Variants in GUCY1B1 observed in about 807,000 individuals in gnomAD.
GUCY1B1 encodes guanylate cyclase 1 soluble subunit beta 1, also known as guanylate cyclase soluble subunit beta-1.
GUCY1B1 carries 43 observed loss-of-function variants against 71.0 expected under a neutral mutation model. That is an observed-to-expected ratio of 0.61 (90% CI 0.47 to 0.78). The LOEUF (loss-of-function observed/expected upper bound fraction) is 0.78, where lower values mean the gene tolerates loss of function less well. GUCY1B1 is among the 30% of genes least tolerant of loss of function. The pLI is 0.00. For missense variants in GUCY1B1, 535 were observed against 754.1 expected, an observed-to-expected ratio of 0.71 and a Z score of 3.40; for synonymous variants, 266 against 259.7, an observed-to-expected ratio of 1.02 and a Z score of -0.23.
intron 5 of GUCY1B1, among the ~76,000 whole-genome samples, chr4:155,791,862 G>A (rs75979066): frequency 6.6e-6 from 1 of 151,502 alleles, no homozygotes; most frequent in East Asian, 1.9e-4. Flanking sequence ...TAACCAGACT[G>A]AGAAAGAGGT....
chr4:155,789,602 G>A (rs762946674), intron 4 of GUCY1B1, 112 bp from the exon 5 acceptor site: 15 of 607,572 alleles, frequency 2.5e-5, no homozygotes, highest in Non-Finnish European at 3.5e-5. Context: ...GTGCTGCTTC[G>A]CTGATCTGCC....
Position 155,802,619 on chromosome 4 carries a change from G to T in GUCY1B1, c.1413+40G>T, listed in dbSNP as rs1266858296. The T allele has an allele frequency of 2.6e-5, 39 of 1,499,462 alleles. No individual in the cohort carries two copies. Among genetic ancestry groups the T allele is most frequent in the Non-Finnish European group, 3.5e-5 (39 of 1,121,802 alleles). 92.9% of individuals were successfully genotyped at this position (1,499,462 alleles called of 1,614,324 possible). A position where few individuals can be genotyped will look rare whatever the true frequency, so the allele number is the denominator to read the frequency against. On this transcript the variant is annotated intron_variant, in intron 10 of 13. Transcript: ENST00000264424. The surrounding 1 kb of genome is among the most constrained non-coding windows in gnomAD (Gnocchi z 4.3). ...TCGCTGACTGCAGAGCTATCCAGAG[G>T]CTGGCGTTCTGAGACTCCCCTCCAG... is the stretch of plus-strand genomic sequence containing the variant.
rs1870536 is a variant in GUCY1B1, at chr4:155,787,799, G to A, written c.298-1915G>A. On this transcript the variant is annotated intron_variant, in intron 4 of 13. Coordinates refer to ENST00000264424, the MANE Select transcript of GUCY1B1 (RefSeq NM_000857.5). ...GTATTGCTCAAATGTGGACACCCGC[G>A]GAATCATCTCATTCTCACCGTAGTT... Among the ~76,000 whole-genome samples the A allele has an allele frequency of 6.2e-3, 939 of 152,258 alleles. 10 individuals carry two copies. Among genetic ancestry groups the A allele is most frequent in the Middle Eastern group, 0.017 (5 of 294 alleles).
At chr4:155,760,098 G>A (rs1464631364) in intron 2 of GUCY1B1, among the ~76,000 whole-genome samples, 1 of 152,134 alleles carries the variant, frequency 6.6e-6, no homozygotes, top group African/African-American at 2.4e-5. Flanking sequence ...GGAGCCCCTA[G>A]GGGTCACCAC....
chr4:155,791,471 C>G (rs1292359535), intron 5 of GUCY1B1, among the ~76,000 whole-genome samples: 1 of 150,090 alleles, frequency 6.7e-6, no homozygotes, highest in African/African-American at 2.4e-5. Context: ...TGGCTCACGC[C>G]TGTAATCCTA....
chr4:155,806,535 G>T lies in GUCY1B1; in HGVS notation c.*126G>T. On this transcript the variant is annotated 3_prime_UTR_variant, in exon 14 of 14. Coordinates refer to ENST00000264424, the MANE Select transcript of GUCY1B1 (RefSeq NM_000857.5). ...CTTTTGTCCTTGTCCATTACCCCAA[G>T]ACTTTCTTCTAGATATATCTCTCAC... The T allele has an allele frequency of 4.6e-6, 3 of 651,794 alleles. No homozygotes were observed. Among genetic ancestry groups the T allele is most frequent in the South Asian group, 1.9e-5 (1 of 51,610 alleles). The allele number at this position is 651,794 out of a possible 1,614,324, so 40.4% of individuals were successfully genotyped here.
At chr4:155,796,659 G>A in intron 8 of GUCY1B1, 149 bp downstream of exon 8, 1 of 594,412 alleles carries the variant, frequency 1.7e-6, no homozygotes. Flanking sequence ...TTTATAACAA[G>A]GATAATCTTA....
At chr4:155,801,225 C>T (rs1228991537) in intron 9 of GUCY1B1, among the ~76,000 whole-genome samples, 1 of 151,372 alleles carries the variant, frequency 6.6e-6, no homozygotes, top group East Asian at 1.9e-4. Flanking sequence ...TATTACAGAA[C>T]TACTTCTTTG....
chr4:155,803,671 G>A lies in GUCY1B1; in HGVS notation c.1461G>A (p.Glu487=), dbSNP rs1477916521. 1.9e-6 allele frequency: 3 copies of A among 1,604,536 alleles called. No individual in the cohort carries two copies. The highest frequency in any genetic ancestry group is 2.6e-6 in the Non-Finnish European group (3 of 1,174,528). The part of the protein sequence containing the change: ...DKYMTVSGLP[E]PCIHHARSIC... ...ATATGACAGTGAGTGGTTTACCAGA[G>A]CCATGCATTCACCATGCACGATCCA... The change falls in exon 11 of 14, where the codon GAG becomes GAA. Residue 487 remains glutamate, a synonymous_variant. Transcript: ENST00000264424.
chr4:155,793,912 A>T lies in GUCY1B1; in HGVS notation c.552A>T (p.Lys184Asn), dbSNP rs777958893. 6.3e-7 allele frequency: 1 copy of T among 1,589,260 alleles called. No individual in the cohort carries two copies. Among genetic ancestry groups the T allele is most frequent in the Non-Finnish European group, 8.6e-7 (1 of 1,157,296 alleles). The change falls in exon 6 of 14, where the codon AAA becomes AAT. Residue 184 changes from lysine to asparagine, a missense_variant. Transcript: ENST00000264424. ...ATACTCAATTTTTAATTGAAGAAAA[A>T]GAGTCAAAAGAAGAGGATTTTTATG... ...CDHTQFLIEE[K>N]ESKEEDFYED...
chr4:155,789,964 T>G, intron 5 of GUCY1B1, 53 bp downstream of exon 5: 1 of 1,159,626 alleles, frequency 8.6e-7, no homozygotes, highest in Non-Finnish European at 1.3e-6. Flanking sequence ...AAAAATATTT[T>G]AAATGACACT....
chr4:155,786,016 G>A (rs1352118922), intron 4 of GUCY1B1, among the ~76,000 whole-genome samples: 1 of 152,026 alleles, frequency 6.6e-6, no homozygotes, highest in East Asian at 1.9e-4. Flanking sequence ...GACTCAGGAA[G>A]TACTGACTTG....
At chr4:155,774,522 G>A (rs560099332) in intron 2 of GUCY1B1, among the ~76,000 whole-genome samples, 2 of 152,240 alleles carry the variant, frequency 1.3e-5, no homozygotes, top group Admixed American at 1.3e-4. Flanking sequence ...TTAATTTTAT[G>A]TTGTGTCTGT....
intron 2 of GUCY1B1, among the ~76,000 whole-genome samples, chr4:155,760,426 C>T (rs75602097): frequency 7.0e-6 from 1 of 143,538 alleles, no homozygotes; most frequent in Admixed American, 6.9e-5. Context: ...CACTGCCCAC[C>T]CCCCCCGCCC....
intron 2 of GUCY1B1, among the ~76,000 whole-genome samples, chr4:155,761,621 CAG>C (rs1737004124): frequency 6.6e-6 from 1 of 151,954 alleles, no homozygotes; most frequent in South Asian, 2.1e-4. Flanking sequence ...TAAAATTATC[CAG>C]AGATTTGTTT....
In GUCY1B1 at chr4:155,802,963, T is replaced by C. The variant is rs1434800472; in HGVS notation, c.1413+384T>C. Among the ~76,000 whole-genome samples, 2 of 152,316 alleles carry C rather than the reference T, an allele frequency of 1.3e-5. No homozygotes were observed. Among genetic ancestry groups the C allele is most frequent in the South Asian group, 4.1e-4 (2 of 4,822 alleles). ...AATGCTTTGTACAGTAAAGAAGTCATGAAGCATGAGAAGGACTCAGATTTG... is the reference window on the plus strand; with the variant it reads ...AATGCTTTGTACAGTAAAGAAGTCACGAAGCATGAGAAGGACTCAGATTTG... On this transcript the variant is annotated intron_variant, in intron 10 of 13. Coordinates refer to ENST00000264424, the MANE Select transcript of GUCY1B1 (RefSeq NM_000857.5). The surrounding 1 kb of genome is among the most constrained non-coding windows in gnomAD (Gnocchi z 4.3).
chr4:155,765,428 G>A (rs111653339), intron 2 of GUCY1B1, among the ~76,000 whole-genome samples: 12 of 152,220 alleles, frequency 7.9e-5, no homozygotes, highest in African/African-American at 2.6e-4. Context: ...CTCCTTGTTC[G>A]TTAAAGAGGA....
chr4:155,786,271 CTTTT>C (rs33996424), intron 4 of GUCY1B1, among the ~76,000 whole-genome samples: 1 of 123,780 alleles, frequency 8.1e-6, no homozygotes, highest in African/African-American at 3.3e-5. Context: ...GTTCAATTTC[CTTTT>C]TTTTTTTTTT....
At chr4:155,760,811 G>A (rs538310930) in intron 2 of GUCY1B1, among the ~76,000 whole-genome samples, 1 of 152,250 alleles carries the variant, frequency 6.6e-6, no homozygotes, top group African/African-American at 2.4e-5. Context: ...TGGGCAGATG[G>A]GAATACACTG....
Sources: gnomAD v4.1 joint callset for allele counts (sites outside exome capture counted in the v4.1 genomes callset) on GRCh38, gnomAD v4.1.1 for gene constraint, Gnocchi (gnomAD v3.1) non-coding constraint, MANE v1.5 for transcripts, NCBI Gene and HGNC (gene_info 2026-07-23, HGNC 2026-07-21) for gene names.